The following SPTBN4 variants were observed in gnomAD, a reference collection of about 807,000 sequenced individuals.
SPTBN4 encodes the protein spectrin beta, non-erythrocytic 4.
Under a neutral mutation model 277.8 loss-of-function variants are expected in SPTBN4, and 96 were observed. The observed-to-expected ratio is 0.35, with a 90% CI of 0.29 to 0.41. The LOEUF (loss-of-function observed/expected upper bound fraction) is 0.41, where lower values mean the gene tolerates loss of function less well. Ranked by LOEUF, SPTBN4 falls within the 10% of genes least tolerant of loss-of-function variation. The probability of loss-of-function intolerance (pLI) is 1.00; values close to 1 mark genes in which losing one functional copy is unlikely to be tolerated. For missense variants in SPTBN4, 3,006 were observed against 3,595.7 expected, an observed-to-expected ratio of 0.84 and a Z score of 4.19; for synonymous variants, 1,481 against 1,580.3, an observed-to-expected ratio of 0.94 and a Z score of 1.49.
rs761642834 is a variant in SPTBN4 at position 40,569,643 on chromosome 19, C to T, written c.6957-14C>T. The T allele has an allele frequency of 6.2e-7, 1 of 1,611,948 alleles. No homozygotes were observed. The highest frequency in any genetic ancestry group is 8.5e-7 in the Non-Finnish European group (1 of 1,179,210). On this transcript the variant is annotated splice_polypyrimidine_tract_variant and intron_variant, in intron 31 of 35. Coordinates refer to ENST00000598249, the MANE Select transcript of SPTBN4 (RefSeq NM_020971.3). Reference sequence around the variant, plus strand: ...CCCTGGTTTCACTGGGTCTTTCTGTCCCCCATCCCCCAGGAAGGCCACCCT... The same window carrying T: ...CCCTGGTTTCACTGGGTCTTTCTGTTCCCCATCCCCCAGGAAGGCCACCCT...
chr19:40,555,737 T>C (rs1242962535), intron 24 of SPTBN4, among the ~76,000 whole-genome samples: 2 of 151,812 alleles, frequency 1.3e-5, no homozygotes, highest in South Asian at 2.1e-4. Flanking sequence ...AGAGGGAACA[T>C]AGTGAGACCT....
intron 2 of SPTBN4, among the ~76,000 whole-genome samples, chr19:40,481,760 G>A (rs936154376): frequency 1.3e-5 from 2 of 152,088 alleles, no homozygotes; most frequent in Non-Finnish European, 2.9e-5. Flanking sequence ...ACAGGCGTGA[G>A]CCACCATGCC....
At chr19:40,483,860 C>G (rs1015307099) in intron 2 of SPTBN4, among the ~76,000 whole-genome samples, 2 of 152,164 alleles carry the variant, frequency 1.3e-5, no homozygotes, top group African/African-American at 4.8e-5. Context: ...GGTGACTTCT[C>G]GAGGTCATCT....
chr19:40,491,422 G>C (rs933786747), intron 4 of SPTBN4, among the ~76,000 whole-genome samples: 5 of 152,036 alleles, frequency 3.3e-5, no homozygotes, highest in African/African-American at 1.2e-4. Flanking sequence ...ATTTTATCAA[G>C]GGGAGGTGCA....
Position 40,472,753 on chromosome 19 carries a change from C to G in SPTBN4, c.132C>G (p.Ala44=). The G allele has an allele frequency of 6.3e-7, 1 of 1,599,198 alleles. No individual in the cohort carries two copies. The highest frequency in any genetic ancestry group is 1.3e-5 in the African/African-American group (1 of 74,698). Residue 44 remains alanine (A), a synonymous_variant, in exon 2 of 36, where the codon GCC becomes GCG. Coordinates refer to ENST00000598249, the MANE Select transcript of SPTBN4 (RefSeq NM_020971.3). ...AGCCGGCTGCGTCCACCGCAGCGGC[C>G]TCGCTCTTTGAGTGCTCCCGGATCA... ...REQPAASTAA[A]SLFECSRIKA... is the part of the protein sequence containing the mutation.
chr19:40,537,559 A>T (rs921596898), intron 20 of SPTBN4, among the ~76,000 whole-genome samples: 1 of 152,210 alleles, frequency 6.6e-6, no homozygotes. Context: ...AGAACTGCTG[A>T]TGTACACAAT....
chr19:40,569,973 CAG>C (rs1491051388), intron 32 of SPTBN4, among the ~76,000 whole-genome samples: 43 of 112,228 alleles, frequency 3.8e-4, no homozygotes, highest in African/African-American at 4.6e-4. Context: ...CACACACACA[CAG>C]ACACACACAC....
intron 7 of SPTBN4, among the ~76,000 whole-genome samples, chr19:40,500,884 G>T (rs1282958737): frequency 1.3e-5 from 2 of 151,610 alleles, no homozygotes; most frequent in African/African-American, 4.8e-5. Context: ...GAAAGGAAAG[G>T]AAAGGAAAAG....
In SPTBN4 at chr19:40,554,904, T is replaced by C; in HGVS notation, c.5084+258T>C. The C allele has an allele frequency of 2.2e-6, 1 of 457,872 alleles. No homozygotes were observed. Among genetic ancestry groups the C allele is most frequent in the East Asian group, 4.4e-5 (1 of 22,510 alleles). The allele number at this position is 457,872 out of a possible 1,614,324, so 28.4% of individuals were successfully genotyped here. Reference sequence around the variant, plus strand: ...TGTCGGGGGAGAAAAGAGTAGGCGATGTCTAGGACTGGGGTAGAGAAGAAT... The same window carrying C: ...TGTCGGGGGAGAAAAGAGTAGGCGACGTCTAGGACTGGGGTAGAGAAGAAT... On this transcript the variant is annotated intron_variant, in intron 24 of 35. Transcript: ENST00000598249. The surrounding 1 kb of genome is among the most constrained non-coding windows in gnomAD (Gnocchi z 5.7).
Position 40,575,838 on chromosome 19 carries a change from TTGA to T in SPTBN4, c.*272_*274del, listed in dbSNP as rs2081197522. ...CCTTATTTTTATGCAATAACTGAGCTTGATGGGGGTGGGCAGGGGGCCAGTTGA... is the reference window on the plus strand; with the variant it reads ...CCTTATTTTTATGCAATAACTGAGCTTGGGGGTGGGCAGGGGGCCAGTTGA... On this transcript the variant is annotated 3_prime_UTR_variant, in exon 36 of 36. Transcript: ENST00000598249. The T allele has an allele frequency of 6.8e-6, 2 of 295,632 alleles. No individual in the cohort carries two copies. Among genetic ancestry groups the T allele is most frequent in the Non-Finnish European group, 6.3e-6 (1 of 157,966 alleles). The allele number at this position is 295,632 out of a possible 1,614,324, so 18.3% of individuals were successfully genotyped here. A position where few individuals can be genotyped will look rare whatever the true frequency, so the allele number is the denominator to read the frequency against.
intron 20 of SPTBN4, among the ~76,000 whole-genome samples, chr19:40,544,225 C>T (rs185474746): frequency 1.3e-5 from 2 of 150,192 alleles, no homozygotes; most frequent in African/African-American, 5.0e-5. Flanking sequence ...TCACTGCAAC[C>T]TCCGCCTCCC....
intron 2 of SPTBN4, among the ~76,000 whole-genome samples, chr19:40,482,312 C>T (rs1568760846): frequency 1.3e-5 from 2 of 152,040 alleles, no homozygotes; most frequent in Non-Finnish European, 2.9e-5. Context: ...CTCAAGCAAT[C>T]CTCCTGCCTC....
intron 15 of SPTBN4, among the ~76,000 whole-genome samples, chr19:40,518,190 CA>C (rs1034041283): frequency 7.2e-5 from 11 of 152,042 alleles, no homozygotes; most frequent in Non-Finnish European, 1.3e-4. Context: ...CCTGTAATCC[CA>C]GCTACTTGGG....
intron 2 of SPTBN4, among the ~76,000 whole-genome samples, chr19:40,479,889 G>A (rs2079990626): frequency 1.3e-5 from 2 of 150,592 alleles, no homozygotes; most frequent in South Asian, 4.2e-4. Flanking sequence ...ATCACTTGAG[G>A]CCAGGAGTTC....
At chr19:40,553,659 A>C (rs775206058) in intron 22 of SPTBN4, among the ~76,000 whole-genome samples, 3 of 152,210 alleles carry the variant, frequency 2.0e-5, no homozygotes, top group Non-Finnish European at 4.4e-5. Context: ...GAGCTGGTTG[A>C]GGGAACCTTC....
In SPTBN4 at chr19:40,519,903, A is replaced by G. The variant is rs1417571744; in HGVS notation, c.3406A>G (p.Lys1136Glu). The change falls in exon 16 of 36, where the codon AAG (lysine) becomes GAG (glutamate). Residue 1136 changes from lysine (K) to glutamate (E), a missense_variant. Lys to Glu is a moderately conservative substitution (Grantham distance 56). Transcript: ENST00000598249. This position sits in a 1 kb window ranked among gnomAD's most constrained non-coding sequence, Gnocchi z 5.7. ...GCTGCTGGCGCGCCACGCTGCGCTC[A>G]AGGAGGAGGTGGACCAGCGCGAGGA... is the stretch of plus-strand genomic sequence containing the variant. ...DALLARHAALKEEVDQREEDY... is the reference protein window; with the variant it reads ...DALLARHAALEEEVDQREEDY... 5 of 1,542,964 alleles carry G rather than the reference A, an allele frequency of 3.2e-6. No homozygotes were observed. The South Asian group carries it at 3.6e-5, about 11-fold the overall frequency.
Position 40,504,041 on chromosome 19 carries a change from G to A in SPTBN4, c.1574G>A (p.Gly525Asp), listed in dbSNP as rs955420435. Reference protein sequence around the residue: ...RQWALLTGLVGARRTRLEQNL... With the variant: ...RQWALLTGLVDARRTRLEQNL... ...TGGGCCCTGCTAACTGGGCTTGTGG[G>A]TGCCCGGCGGACACGACTTGAGCAG... Residue 525 changes from glycine (G) to aspartate (D), a missense_variant, in exon 12 of 36, where the codon GGT (glycine) becomes GAT (aspartate). By Grantham distance (94) the Gly-to-Asp change is moderately conservative. Around this residue, in one of 5 missense-constraint regions of SPTBN4, gnomAD observed 1,759 missense variants for 2,061.5 expected, o/e 0.85. Coordinates refer to ENST00000598249, the MANE Select transcript of SPTBN4 (RefSeq NM_020971.3). 11 of 1,613,078 alleles carry A rather than the reference G, an allele frequency of 6.8e-6. No individual in the cohort carries two copies. Among genetic ancestry groups the A allele is most frequent in the African/African-American group, 1.3e-5 (1 of 74,806 alleles).
chr19:40,563,474 G>A (rs1370280539), intron 27 of SPTBN4, among the ~76,000 whole-genome samples: 1 of 152,034 alleles, frequency 6.6e-6, no homozygotes, highest in Admixed American at 6.6e-5. Context: ...AAATCTTCTT[G>A]TGGCCATACT....
At chr19:40,500,229 A>G (rs1397611327) in intron 7 of SPTBN4, among the ~76,000 whole-genome samples, 1 of 152,078 alleles carries the variant, frequency 6.6e-6, no homozygotes, top group Non-Finnish European at 1.5e-5. Flanking sequence ...GTGATGTTAG[A>G]ATTTGTTGAG....
Sources: allele counts gnomAD v4.1 joint callset (sites outside exome capture counted in the v4.1 genomes callset), GRCh38; gene constraint gnomAD v4.1.1; regional missense constraint gnomAD v4.1.1; non-coding constraint Gnocchi (gnomAD v3.1); transcripts MANE v1.5; gene names NCBI Gene and HGNC (gene_info 2026-07-23, HGNC 2026-07-21).